The following SLIT3 variants were observed in gnomAD, a reference collection of about 807,000 sequenced individuals.
SLIT3 encodes slit homolog 3 protein.
SLIT3 carries 68 observed loss-of-function variants against 184.0 expected under a neutral mutation model. The ratio of observed to expected loss-of-function variants is 0.37; its 90% CI spans 0.30 to 0.45. The LOEUF is 0.45. Ranked by LOEUF, SLIT3 falls within the 20% of genes least tolerant of loss-of-function variation. The pLI, the probability that SLIT3 is intolerant of heterozygous loss-of-function variation, is 1.00. For synonymous variants in SLIT3, 831 were observed against 828.6 expected (o/e 1.00, Z -0.05); for missense variants, 1,707 against 2,026.0 (o/e 0.84, Z 3.02).
chr5:168,667,491 G>A (rs551488577), intron 35 of SLIT3: 1 of 152,406 alleles, frequency 6.6e-6, no homozygotes, highest in South Asian at 2.1e-4. Flanking sequence ...TTTCCAGAAG[G>A]CCTAGAAATA....
chr5:169,108,522 G>A (rs111330152), intron 4 of SLIT3, among the ~76,000 whole-genome samples: 125 of 152,316 alleles, frequency 8.2e-4, no homozygotes, highest in African/African-American at 2.9e-3. Flanking sequence ...AGGAGAGATT[G>A]GCTCAATTGT....
chr5:168,975,621 G>A (rs2113339249), intron 4 of SLIT3, among the ~76,000 whole-genome samples: 1 of 152,200 alleles, frequency 6.6e-6, no homozygotes, highest in Middle Eastern at 3.4e-3. Flanking sequence ...ATAGAAGGAA[G>A]GAGATTTAAA....
chr5:169,297,891 C>T (rs539293893), intron 1 of SLIT3, among the ~76,000 whole-genome samples: 4 of 152,222 alleles, frequency 2.6e-5, no homozygotes, highest in Non-Finnish European at 5.9e-5. Context: ...TGAGCCACTG[C>T]GCCCGGCTTC....
intron 4 of SLIT3, among the ~76,000 whole-genome samples, chr5:168,909,754 G>C (rs1028831936): frequency 6.6e-6 from 1 of 152,162 alleles, no homozygotes; most frequent in African/African-American, 2.4e-5. Context: ...TCCAAACTCA[G>C]CTCCTCCTGG....
At chr5:169,011,981 G>A (rs1756175327) in intron 4 of SLIT3, among the ~76,000 whole-genome samples, 1 of 148,948 alleles carries the variant, frequency 6.7e-6, no homozygotes. Flanking sequence ...GGTGTTAGAA[G>A]GTAGGAACCA....
rs542537536 is a variant in SLIT3 at position 168,753,898 on chromosome 5, G to C, written c.1795C>G (p.Arg599Gly). The change falls in exon 17 of 36, where the codon CGC becomes GGC. Residue 599 changes from arginine (R) to glycine (G), a missense_variant. Physicochemically the swap from Arg to Gly is moderately radical, Grantham distance 125 (BLOSUM62 -2). Transcript: ENST00000519560. The stretch of plus-strand genomic sequence containing the variant: ...AGGCCACTGAGGCCACGGAACACGC[G>C]CCCGTGCACGGTCTCCAGCTGGTTC... ...TGNQLETVHG[R>G]VFRGLSGLKT... is the part of the protein sequence containing the mutation. 6.2e-7 allele frequency: 1 copy of C among 1,611,770 alleles called. No homozygotes were observed. The highest frequency in any genetic ancestry group is 2.2e-5 in the East Asian group (1 of 44,888).
chr5:168,788,957 G>C (rs1354866572), intron 11 of SLIT3, among the ~76,000 whole-genome samples: 1 of 152,086 alleles, frequency 6.6e-6, no homozygotes, highest in Non-Finnish European at 1.5e-5. Flanking sequence ...ACACATGAGT[G>C]ACTGACAGAA....
At chr5:168,825,206 C>T (rs549897555) in intron 6 of SLIT3, among the ~76,000 whole-genome samples, 1 of 152,244 alleles carries the variant, frequency 6.6e-6, no homozygotes, top group East Asian at 1.9e-4. Context: ...TAGTCCTGGC[C>T]TGGCCTATTA....
At chr5:168,727,512 C>G (rs968749849) in intron 20 of SLIT3, among the ~76,000 whole-genome samples, 1 of 152,102 alleles carries the variant, frequency 6.6e-6, no homozygotes, top group Admixed American at 6.5e-5. Flanking sequence ...GGGCTGAAGT[C>G]TCATGGGCCT....
intron 4 of SLIT3, among the ~76,000 whole-genome samples, chr5:169,048,903 A>G (rs1212188367): frequency 1.3e-5 from 2 of 152,172 alleles, no homozygotes; most frequent in Non-Finnish European, 2.9e-5. Flanking sequence ...ATGGAGTTTC[A>G]GAGTAGGCTA....
intron 4 of SLIT3, among the ~76,000 whole-genome samples, chr5:169,032,052 G>A (rs998929635): frequency 6.6e-6 from 1 of 152,136 alleles, no homozygotes; most frequent in East Asian, 1.9e-4. Flanking sequence ...GTGTAACGTA[G>A]GACAGGCCAC....
At chr5:168,810,267 G>A (rs774313807) in intron 8 of SLIT3, among the ~76,000 whole-genome samples, 6 of 152,194 alleles carry the variant, frequency 3.9e-5, no homozygotes, top group Non-Finnish European at 8.8e-5. Flanking sequence ...CTATATCTCC[G>A]ATGAAAGCAT....
At chr5:168,929,018 A>G (rs1343305536) in intron 4 of SLIT3, among the ~76,000 whole-genome samples, 2 of 152,210 alleles carry the variant, frequency 1.3e-5, no homozygotes, top group African/African-American at 4.8e-5. Context: ...AACGATGATA[A>G]TATAATAGCC....
chr5:169,016,274 T>A (rs918587837), intron 4 of SLIT3, among the ~76,000 whole-genome samples: 1 of 151,988 alleles, frequency 6.6e-6, no homozygotes, highest in African/African-American at 2.4e-5. Flanking sequence ...TACAGAGCAA[T>A]AAATACAGCC....
chr5:169,274,655 C>G (rs1321999256), intron 1 of SLIT3, among the ~76,000 whole-genome samples: 7 of 152,198 alleles, frequency 4.6e-5, no homozygotes, highest in Admixed American at 4.6e-4. Context: ...TCTGGGCAAA[C>G]AGGGAGATCT....
chr5:169,292,368 T>C (rs574767909), intron 1 of SLIT3, among the ~76,000 whole-genome samples: 20 of 152,326 alleles, frequency 1.3e-4, no homozygotes, highest in Admixed American at 1.1e-3. Context: ...AAAGTCATTA[T>C]GGAAAGTTCC....
intron 4 of SLIT3, among the ~76,000 whole-genome samples, chr5:168,952,548 AGAGGGGAGAAGGCAAAGGGATTT>A (rs1762689256): frequency 5.9e-5 from 8 of 135,050 alleles, no homozygotes; most frequent in African/African-American, 2.2e-4. Flanking sequence ...AAAAAAAAAA[AGAGGGGAGAAGGCAAAGGGATTT>A]AAAAAAAAAA....
chr5:168,774,121 C>T (rs550882203), intron 13 of SLIT3, 114 bp downstream of exon 13: 1 of 1,045,974 alleles, frequency 9.6e-7, no homozygotes, highest in South Asian at 1.6e-5. Context: ...CCTGCAGGCT[C>T]TAGAACTCCT....
intron 4 of SLIT3, among the ~76,000 whole-genome samples, chr5:169,162,103 G>A (rs1762500083): frequency 1.3e-5 from 2 of 152,190 alleles, no homozygotes. Context: ...TACAGAGGGT[G>A]CTACTGGATC....
Sources: allele counts gnomAD v4.1 joint callset (sites outside exome capture counted in the v4.1 genomes callset), GRCh38; gene constraint gnomAD v4.1.1; transcripts MANE v1.5; gene names NCBI Gene and HGNC (gene_info 2026-07-23, HGNC 2026-07-21).